Variants in OSTN observed in about 807,000 individuals in gnomAD.
OSTN encodes the protein osteocrin.
A neutral mutation model predicts 12.0 loss-of-function variants in OSTN; 9 were observed. The observed-to-expected ratio is 0.75, with a 90% CI of 0.45 to 1.30. OSTN has a LOEUF of 1.30. Ranked by LOEUF, OSTN falls within the 50% of genes most tolerant of loss-of-function variation. The pLI is 0.00. For missense variants in OSTN, 148 were observed against 152.3 expected (o/e 0.97, Z 0.15); for synonymous variants, 59 against 56.9 (o/e 1.04, Z -0.16).
At chr3:191,237,898 T>C (rs530044196) in intron 3 of OSTN, among the ~76,000 whole-genome samples, 33 of 152,316 alleles carry the variant, frequency 2.2e-4, no homozygotes, top group Middle Eastern at 3.4e-3. Flanking sequence ...TACAGCTCTA[T>C]GCACTGTAAC....
At chr3:191,202,255 G>A (rs565369846) in intron 1 of OSTN, among the ~76,000 whole-genome samples, 215 of 152,256 alleles carry the variant, frequency 1.4e-3, no homozygotes, top group Non-Finnish European at 2.7e-3. Flanking sequence ...AAAACACTAT[G>A]CAAATGTTAT....
At chr3:191,255,443 C>T (rs1012738098) in intron 4 of OSTN, among the ~76,000 whole-genome samples, 13 of 152,324 alleles carry the variant, frequency 8.5e-5, no homozygotes, top group Admixed American at 4.6e-4. Context: ...TAAAGTCAAA[C>T]TCAATTCCTC....
At chr3:191,200,775 C>T (rs1164090072) in intron 1 of OSTN, among the ~76,000 whole-genome samples, 1 of 152,156 alleles carries the variant, frequency 6.6e-6, no homozygotes, top group East Asian at 1.9e-4. Context: ...TAGGACTAAT[C>T]TTTAGAGCTA....
chr3:191,216,511 C>G (rs186800566), intron 2 of OSTN, among the ~76,000 whole-genome samples: 327 of 151,866 alleles, frequency 2.2e-3, no homozygotes, highest in African/African-American at 7.8e-3. Flanking sequence ...TGCTCTGCTT[C>G]CCTTTTAAAC....
At chr3:191,223,283 C>T (rs1477804010) in intron 3 of OSTN, among the ~76,000 whole-genome samples, 1 of 152,116 alleles carries the variant, frequency 6.6e-6, no homozygotes, top group Non-Finnish European at 1.5e-5. Context: ...TATAAATATG[C>T]AAAAATTTAG....
At chr3:191,215,493 C>A (rs12107865) in intron 2 of OSTN, among the ~76,000 whole-genome samples, 1 of 152,156 alleles carries the variant, frequency 6.6e-6, no homozygotes, top group Non-Finnish European at 1.5e-5. Context: ...TCATCTGAGA[C>A]AAGGCAAGTC....
At chr3:191,215,996 G>A (rs888959491) in intron 2 of OSTN, among the ~76,000 whole-genome samples, 1 of 152,210 alleles carries the variant, frequency 6.6e-6, no homozygotes, top group Admixed American at 6.5e-5. Flanking sequence ...TGTCCTAGCA[G>A]AGGTCCTCCA....
At chr3:191,204,965 A>C in intron 1 of OSTN, among the ~76,000 whole-genome samples, 1 of 152,276 alleles carries the variant, frequency 6.6e-6, no homozygotes. Context: ...TAATATTTTC[A>C]AATTATAGTT....
intron 3 of OSTN, among the ~76,000 whole-genome samples, chr3:191,230,240 TGTG>T (rs1030419001): frequency 3.9e-5 from 6 of 151,964 alleles, no homozygotes; most frequent in Non-Finnish European, 8.8e-5. Context: ...GAGAAAATCA[TGTG>T]GGAGATGGCT....
At chr3:191,250,163 A>G (rs774923009) in intron 4 of OSTN, 30 bp downstream of exon 4, 3 of 1,461,374 alleles carry the variant, frequency 2.1e-6, no homozygotes, top group Non-Finnish European at 2.9e-6. Flanking sequence ...GTAACAGTAT[A>G]TGCAGGTATT....
chr3:191,248,034 A>G (rs1036046845), intron 3 of OSTN, among the ~76,000 whole-genome samples: 3 of 152,104 alleles, frequency 2.0e-5, no homozygotes, highest in Admixed American at 6.6e-5. Context: ...GGGTTTCACC[A>G]TGTTGGCCAG....
chr3:191,200,069 A>G (rs957681798), intron 1 of OSTN, among the ~76,000 whole-genome samples: 8 of 152,134 alleles, frequency 5.3e-5, no homozygotes, highest in African/African-American at 1.9e-4. Context: ...TTTGTTTATG[A>G]GTTTTCCTTC....
At chr3:191,235,236 T>G (rs1294237777) in intron 3 of OSTN, among the ~76,000 whole-genome samples, 1 of 152,188 alleles carries the variant, frequency 6.6e-6, no homozygotes, top group Non-Finnish European at 1.5e-5. Context: ...TGGTTACTTG[T>G]ACTAGAAAAA....
chr3:191,248,289 A>T lies in OSTN; in HGVS notation c.318-1748A>T, dbSNP rs115697282. ...ATAGTCAGTTATAGGTTTTTGAGGGAAAAGGCTATTTATGACTCATTTCTT... is the reference window on the plus strand; with the variant it reads ...ATAGTCAGTTATAGGTTTTTGAGGGTAAAGGCTATTTATGACTCATTTCTT... On this transcript the variant is annotated intron_variant, in intron 3 of 4. Transcript: ENST00000682035. Among the ~76,000 whole-genome samples the T allele has an allele frequency of 8.6e-3, 1,305 of 152,322 alleles. 19 individuals carry two copies. The highest frequency in any genetic ancestry group is 0.029 in the African/African-American group (1,221 of 41,570).
intron 3 of OSTN, among the ~76,000 whole-genome samples, chr3:191,221,622 G>C (rs1714766065): frequency 6.6e-6 from 1 of 152,002 alleles, no homozygotes. Context: ...GATGATTTAG[G>C]GTATCTAGTG....
chr3:191,261,021 G>C (rs6769451), intron 4 of OSTN, among the ~76,000 whole-genome samples: 81,607 of 151,896 alleles, frequency 0.54, 22,652 homozygotes, highest in Non-Finnish European at 0.6. Flanking sequence ...TCAGATTACA[G>C]AGAGAGAGAG....
intron 1 of OSTN, among the ~76,000 whole-genome samples, chr3:191,206,304 C>G (rs1714272137): frequency 6.6e-6 from 1 of 152,054 alleles, no homozygotes; most frequent in Non-Finnish European, 1.5e-5. Context: ...ATTTGATAAG[C>G]ATATCAATTT....
At chr3:191,230,336 C>T (rs1295526093) in intron 3 of OSTN, among the ~76,000 whole-genome samples, 8 of 151,484 alleles carry the variant, frequency 5.3e-5, no homozygotes, top group Non-Finnish European at 8.8e-5. Context: ...TAGGCAGAGG[C>T]GGGCAGATCA....
intron 3 of OSTN, among the ~76,000 whole-genome samples, chr3:191,223,251 A>AAATC (rs2108535898): frequency 6.6e-6 from 1 of 152,356 alleles, no homozygotes; most frequent in South Asian, 2.1e-4. Flanking sequence ...ATTTTCACGT[A>AAATC]TGAAAGCTAC....
Sources: allele counts gnomAD v4.1 joint callset (sites outside exome capture counted in the v4.1 genomes callset), GRCh38; gene constraint gnomAD v4.1.1; transcripts MANE v1.5; gene names NCBI Gene and HGNC (gene_info 2026-07-23, HGNC 2026-07-21).